PCDHGB2: variants seen among roughly 807,000 people sequenced by gnomAD.
PCDHGB2 encodes the protein protocadherin gamma-B2.
Under a neutral mutation model 59.3 loss-of-function variants are expected in PCDHGB2, and 55 were observed. The ratio of observed to expected loss-of-function variants is 0.93; its 90% CI spans 0.75 to 1.16. The LOEUF is 1.16. PCDHGB2 is among the 50% of genes most tolerant of loss of function. The probability of loss-of-function intolerance (pLI) is 0.00; values close to 1 mark genes in which losing one functional copy is unlikely to be tolerated. For synonymous variants in PCDHGB2, 516 were observed against 512.0 expected, an observed-to-expected ratio of 1.01 and a Z score of -0.11; for missense variants, 1,228 against 1,198.5, an observed-to-expected ratio of 1.02 and a Z score of -0.36.
rs2097536640 is a variant in PCDHGB2 at position 141,432,779 on chromosome 5, G to C, written c.2422-62028G>C. 3 of 1,614,170 alleles carry C rather than the reference G, an allele frequency of 1.9e-6. No individual in the cohort carries two copies. The highest frequency in any genetic ancestry group is 2.5e-6 in the Non-Finnish European group (3 of 1,180,002). On this transcript the variant is annotated intron_variant, in intron 1 of 3. Coordinates refer to ENST00000522605, the MANE Select transcript of PCDHGB2 (RefSeq NM_018923.3). The surrounding 1 kb of genome is among the most constrained non-coding windows in gnomAD (Gnocchi z 6.0). Reference sequence around the variant, plus strand: ...CGACAGCATCCCCCAAGTCCTGGCGGACCTCGGCAGCCTCGAGTCTCCAGC... The same window carrying C: ...CGACAGCATCCCCCAAGTCCTGGCGCACCTCGGCAGCCTCGAGTCTCCAGC...
Position 141,364,935 on chromosome 5 carries a change from G to T in PCDHGB2, c.2421+2379G>T, listed in dbSNP as rs1240232107. ...CTGGTGTTGGAACAGCCCCTAGACCGCGAGAAAGAGACTGTTCACGACCTC... is the reference window on the plus strand; with the variant it reads ...CTGGTGTTGGAACAGCCCCTAGACCTCGAGAAAGAGACTGTTCACGACCTC... On this transcript the variant is annotated intron_variant, in intron 1 of 3. Coordinates refer to ENST00000522605, the MANE Select transcript of PCDHGB2 (RefSeq NM_018923.3). The T allele has an allele frequency of 3.1e-6, 5 of 1,613,906 alleles. No individual in the cohort carries two copies. In the Admixed American group the frequency reaches 8.3e-5, roughly 27 times the overall value.
chr5:141,440,878 C>A (rs1359689557), intron 1 of PCDHGB2: 1 of 152,146 alleles, frequency 6.6e-6, no homozygotes, highest in Non-Finnish European at 1.5e-5. Context: ...TGTACAGCGT[C>A]GGCCTTCAGG....
At chr5:141,415,132 C>T (rs752622569) in intron 1 of PCDHGB2, 4 of 1,613,696 alleles carry the variant, frequency 2.5e-6, no homozygotes, top group Non-Finnish European at 3.4e-6. Flanking sequence ...CGTCCAGGAC[C>T]ACGGCCAGCC....
chr5:141,485,964 T>A lies in PCDHGB2; in HGVS notation c.2422-8843T>A. 1 of 1,614,162 alleles carries A rather than the reference T, an allele frequency of 6.2e-7. No homozygotes were observed. The highest frequency in any genetic ancestry group is 8.5e-7 in the Non-Finnish European group (1 of 1,180,000). On this transcript the variant is annotated intron_variant, in intron 1 of 3. Transcript: ENST00000522605. The surrounding 1 kb of genome is among the most constrained non-coding windows in gnomAD (Gnocchi z 5.7). ...CCAGCGGGCATGGTGCTCATCCAGC[T>A]CAATGCCTCAGACCCGGACCTGGGT...
chr5:141,409,591 G>A (rs72790040), intron 1 of PCDHGB2: 42,493 of 1,613,766 alleles, frequency 0.026, 744 homozygotes, highest in East Asian at 0.041. Context: ...ACGTGGCCGA[G>A]AACAACCCGC....
chr5:141,390,851 G>T (rs2092239783), intron 1 of PCDHGB2: 1 of 157,664 alleles, frequency 6.3e-6, no homozygotes. Context: ...ATTATATGCA[G>T]TGTACGCTGT....
chr5:141,387,767 T>C, intron 1 of PCDHGB2: 5 of 1,435,258 alleles, frequency 3.5e-6, no homozygotes, highest in Non-Finnish European at 4.6e-6. Context: ...AAGAAGAATT[T>C]TTTCTTGAAC....
intron 1 of PCDHGB2, among the ~76,000 whole-genome samples, chr5:141,386,536 GTGT>G (rs1561611759): frequency 6.6e-6 from 1 of 151,656 alleles, no homozygotes; most frequent in African/African-American, 2.4e-5. Flanking sequence ...TTTTAGACTA[GTGT>G]TGTATTTGGT....
At chr5:141,426,517 A>G (rs893782433) in intron 1 of PCDHGB2, 5 of 343,020 alleles carry the variant, frequency 1.5e-5, no homozygotes, top group African/African-American at 2.1e-5. Context: ...CTTTACCGTG[A>G]ACACGGAGAA....
In PCDHGB2 at chr5:141,385,021, G is replaced by A. The variant is rs556987681; in HGVS notation, c.2421+22465G>A. On this transcript the variant is annotated intron_variant, in intron 1 of 3. Coordinates refer to ENST00000522605, the MANE Select transcript of PCDHGB2 (RefSeq NM_018923.3). ...AGTCTCCTGCGTCTTCCTAGCCTTC[G>A]TCCTCGTACTGCTGGCGCTCAGGCT... 4.4e-5 allele frequency: 71 copies of A among 1,614,120 alleles called. No individual in the cohort carries two copies. The East Asian group carries it at 1.5e-3, about 35-fold the overall frequency.
Position 141,410,164 on chromosome 5 carries a change from C to T in PCDHGB2, c.2421+47608C>T, listed in dbSNP as rs756470415. The T allele has an allele frequency of 4.4e-5, 71 of 1,613,642 alleles. No homozygotes were observed. The highest frequency in any genetic ancestry group is 5.8e-5 in the Non-Finnish European group (69 of 1,179,812). On this transcript the variant is annotated intron_variant, in intron 1 of 3. Transcript: ENST00000522605. ...TGCGTGACGGTGGACAGCCGCCACTCTCTGCCACCGCCACGCTTCATCTGG... is the reference window on the plus strand; with the variant it reads ...TGCGTGACGGTGGACAGCCGCCACTTTCTGCCACCGCCACGCTTCATCTGG...
At chr5:141,395,222 AG>A (rs2093199234) in intron 1 of PCDHGB2, 1 of 1,611,488 alleles carries the variant, frequency 6.2e-7, no homozygotes, top group African/African-American at 1.3e-5. Context: ...ATAAGAATGA[AG>A]CTGATCATGG....
At chr5:141,427,694 A>G in intron 1 of PCDHGB2, 2 of 913,934 alleles carry the variant, frequency 2.2e-6, no homozygotes, top group South Asian at 1.4e-5. Flanking sequence ...CCTCCATCCC[A>G]CAAGTCAGCG....
At chr5:141,369,987 G>T (rs1363490934) in intron 1 of PCDHGB2, among the ~76,000 whole-genome samples, 1 of 152,174 alleles carries the variant, frequency 6.6e-6, no homozygotes, top group Non-Finnish European at 1.5e-5. Context: ...GATTTGGATG[G>T]ATAAAGCTCA....
At position 141,490,874 on chromosome 5, in the gene PCDHGB2, A is replaced by T. The variant is rs368927472; in HGVS notation, c.2422-3933A>T. 2 of 1,613,948 alleles carry T rather than the reference A, an allele frequency of 1.2e-6. No homozygotes were observed. Among genetic ancestry groups the T allele is most frequent in the Non-Finnish European group, 1.7e-6 (2 of 1,179,952 alleles). On this transcript the variant is annotated intron_variant, in intron 1 of 3. Transcript: ENST00000522605. The surrounding 1 kb of genome is among the most constrained non-coding windows in gnomAD (Gnocchi z 5.4). The stretch of plus-strand genomic sequence containing the variant: ...CGAGACTCCGGCTCTCCCCCATTGC[A>T]TGCCAACACATCTCTGCATGTGTTT...
At chr5:141,368,160 C>T (rs1017595982) in intron 1 of PCDHGB2, among the ~76,000 whole-genome samples, 1 of 152,084 alleles carries the variant, frequency 6.6e-6, no homozygotes, top group Non-Finnish European at 1.5e-5. Context: ...AAACCTTGAG[C>T]ATCAGCTTCA....
chr5:141,366,886 T>A (rs1332420618), intron 1 of PCDHGB2: 16 of 1,296,860 alleles, frequency 1.2e-5, no homozygotes, highest in South Asian at 4.5e-5. Flanking sequence ...TAATTTTTTT[T>A]ATATAATTCA....
intron 1 of PCDHGB2, chr5:141,389,522 G>A: frequency 6.2e-7 from 1 of 1,613,178 alleles, no homozygotes; most frequent in Non-Finnish European, 8.5e-7. Context: ...ACGTGAGCCT[G>A]CGCGTGTTAG....
At chr5:141,421,964 C>A (rs772274014) in intron 1 of PCDHGB2, 3 of 1,611,350 alleles carry the variant, frequency 1.9e-6, no homozygotes, top group Non-Finnish European at 2.5e-6. Flanking sequence ...TTTACACAGT[C>A]CGTATATCGC....
Sources: allele counts gnomAD v4.1 joint callset (sites outside exome capture counted in the v4.1 genomes callset), GRCh38; gene constraint gnomAD v4.1.1; non-coding constraint Gnocchi (gnomAD v3.1); transcripts MANE v1.5; gene names NCBI Gene and HGNC (gene_info 2026-07-23, HGNC 2026-07-21).